The following N4BP1 variants were observed in gnomAD, a reference collection of about 807,000 sequenced individuals.
N4BP1 encodes the protein NEDD4-binding protein 1.
N4BP1 carries 21 observed loss-of-function variants against 70.9 expected under a neutral mutation model. The ratio of observed to expected loss-of-function variants is 0.30; its 90% confidence interval spans 0.21 to 0.43. The LOEUF is 0.43. Ranked by LOEUF, N4BP1 falls within the 20% of genes least tolerant of loss-of-function variation. The pLI is 1.00. For synonymous variants in N4BP1, 387 were observed against 394.6 expected (o/e 0.98, Z 0.23); for missense variants, 936 against 1,069.4 (o/e 0.88, Z 1.74).
intron 1 of N4BP1, among the ~76,000 whole-genome samples, chr16:48,599,050 T>C (rs1964460431): frequency 6.6e-6 from 1 of 152,122 alleles, no homozygotes; most frequent in Non-Finnish European, 1.5e-5. Context: ...AACCGGTTCA[T>C]AAAGTCCTAA....
In N4BP1 at chr16:48,610,089, C is replaced by G. The variant is rs1305258013; in HGVS notation, c.-117G>C. 2 of 430,058 alleles carry G rather than the reference C, an allele frequency of 4.7e-6. No individual in the cohort carries two copies. Among genetic ancestry groups the G allele is most frequent in the African/African-American group, 2.2e-5 (1 of 46,308 alleles). 26.6% of individuals were successfully genotyped at this position (430,058 alleles called of 1,614,324 possible). A position where few individuals can be genotyped will look rare whatever the true frequency, so the allele number is the denominator to read the frequency against. On this transcript the variant is annotated 5_prime_UTR_variant, in exon 1 of 7. Transcript: ENST00000262384. Reference sequence around the variant, plus strand: ...GTCGGCCCTTCCCGGCCGCCTCGCCCCCGCCCGCGCCCCGCCGCCCGCCCT... The same window carrying G: ...GTCGGCCCTTCCCGGCCGCCTCGCCGCCGCCCGCGCCCCGCCGCCCGCCCT...
intron 1 of N4BP1, among the ~76,000 whole-genome samples, chr16:48,563,343 G>A (rs966760294): frequency 4.0e-5 from 6 of 151,426 alleles, no homozygotes; most frequent in African/African-American, 9.7e-5. Context: ...CCAAAGAGCG[G>A]GACCCTATCT....
At chr16:48,609,308 A>C (rs994260154) in intron 1 of N4BP1, among the ~76,000 whole-genome samples, 2 of 152,174 alleles carry the variant, frequency 1.3e-5, no homozygotes, top group African/African-American at 4.8e-5. Flanking sequence ...GATTCTCAAG[A>C]GGAACTGAGA....
chr16:48,555,492 T>C (rs995428935), intron 2 of N4BP1, among the ~76,000 whole-genome samples: 1 of 152,182 alleles, frequency 6.6e-6, no homozygotes, highest in South Asian at 2.1e-4. Flanking sequence ...GGCTATTTCT[T>C]TTTCAGTGAA....
In N4BP1 at chr16:48,541,217, C is replaced by T. The variant is rs372223785; in HGVS notation, c.*1687G>A. ...ACCATGAGCCAGAAGGCCAGAATCA[C>T]TGCAAGACAGCTCCAGCCCGCACAC... is the stretch of plus-strand genomic sequence containing the variant. On this transcript the variant is annotated 3_prime_UTR_variant, in exon 7 of 7. Coordinates refer to ENST00000262384, the MANE Select transcript of N4BP1 (RefSeq NM_153029.4). 1 of 152,330 alleles carries T rather than the reference C, an allele frequency of 6.6e-6. No individual in the cohort carries two copies. The highest frequency in any genetic ancestry group is 1.9e-4 in the East Asian group (1 of 5,200). 9.4% of individuals were successfully genotyped at this position (152,330 alleles called of 1,614,324 possible).
chr16:48,557,765 T>TA (rs1303707676), intron 2 of N4BP1, among the ~76,000 whole-genome samples: 5 of 152,214 alleles, frequency 3.3e-5, no homozygotes, highest in African/African-American at 4.8e-5. Flanking sequence ...CTTTACCTCT[T>TA]AAAAAAAGAA....
At chr16:48,593,412 T>G (rs1476254881) in intron 1 of N4BP1, among the ~76,000 whole-genome samples, 1 of 152,250 alleles carries the variant, frequency 6.6e-6, no homozygotes, top group Non-Finnish European at 1.5e-5. Flanking sequence ...GAATATGAAT[T>G]TCTCACCTAA....
intron 1 of N4BP1, among the ~76,000 whole-genome samples, chr16:48,590,899 T>C (rs1003942489): frequency 2.0e-5 from 3 of 151,754 alleles, no homozygotes; most frequent in African/African-American, 7.3e-5. Flanking sequence ...GAGTCTTAGT[T>C]AGGAAGACTT....
In N4BP1 at chr16:48,553,524, A is replaced by G. The variant is rs1339712947; in HGVS notation, c.2020+15T>C. On this transcript the variant is annotated intron_variant, in intron 3 of 6. Transcript: ENST00000262384. ...AACATTTCACTAGAAATCTGAAAAA[A>G]TCAGTTTGCCTCACCTGTGACATTA... The G allele has an allele frequency of 5.2e-6, 8 of 1,523,918 alleles. No homozygotes were observed. The highest frequency in any genetic ancestry group is 7.0e-6 in the Non-Finnish European group (8 of 1,138,302). The allele number at this position is 1,523,918 out of a possible 1,614,324, so 94.4% of individuals were successfully genotyped here. A position where few individuals can be genotyped will look rare whatever the true frequency, so the allele number is the denominator to read the frequency against.
intron 1 of N4BP1, among the ~76,000 whole-genome samples, chr16:48,572,976 G>A (rs1246961954): frequency 6.6e-6 from 1 of 151,810 alleles, no homozygotes; most frequent in African/African-American, 2.4e-5. Flanking sequence ...GCCGAGCATG[G>A]TGGTGCATGT....
intron 1 of N4BP1, among the ~76,000 whole-genome samples, chr16:48,591,157 A>C (rs1964331584): frequency 1.3e-5 from 2 of 152,198 alleles, no homozygotes; most frequent in Non-Finnish European, 2.9e-5. Context: ...TTCTGGGAAG[A>C]GCAATAGAAC....
rs3055657 is a variant in N4BP1, at chr16:48,602,980, T to TCA, written c.198+6793_198+6794dup. ...CCTGGTGACAGAGCCAAACCCTATC[T>TCA]CACACACACACACGCACGCACACGC... is the stretch of plus-strand genomic sequence containing the variant. On this transcript the variant is annotated intron_variant, in intron 1 of 6. Coordinates refer to ENST00000262384, the MANE Select transcript of N4BP1 (RefSeq NM_153029.4). Among the ~76,000 whole-genome samples, 371 of 151,186 alleles carry TCA rather than the reference T, an allele frequency of 2.5e-3. 1 individual carries two copies. Among genetic ancestry groups the TCA allele is most frequent in the Admixed American group, 4.2e-3 (63 of 15,170 alleles).
Position 48,553,770 on chromosome 16 carries a change from A to G in N4BP1, c.1890-101T>C. ...TAACATACACATACAACAAACAGTA[A>G]GAACAAAGTTTCCTTTAATATTCTT... On this transcript the variant is annotated intron_variant, in intron 2 of 6. Transcript: ENST00000262384. 4 of 1,020,536 alleles carry G rather than the reference A, an allele frequency of 3.9e-6. No individual in the cohort carries two copies. In the East Asian group the frequency reaches 1.2e-4, roughly 29 times the overall value. 63.2% of individuals were successfully genotyped at this position (1,020,536 alleles called of 1,614,324 possible).
chr16:48,600,427 C>T, intron 1 of N4BP1: 2 of 654,878 alleles, frequency 3.1e-6, no homozygotes, highest in Non-Finnish European at 5.7e-6. Context: ...TGGAATAAAA[C>T]TACTGAAGCA....
Position 48,609,836 on chromosome 16 carries a change from G to A in N4BP1, c.137C>T (p.Pro46Leu), listed in dbSNP as rs1269532187. Residue 46 changes from proline to leucine, a missense_variant, in exon 1 of 7, where the codon CCG (proline) becomes CTG (leucine). This residue lies in a region of N4BP1 where 187 missense variants were observed against 217.1 expected (regional missense o/e 0.86). Transcript: ENST00000262384. ...AVLGALGAEE[P>L]LPARIWLQLC... ...CTGCAGCCAGATGCGCGCGGGCAGC[G>A]GCTCCTCAGCCCCTAGCGCGCCGAG... 1 of 1,488,096 alleles carries A rather than the reference G, an allele frequency of 6.7e-7. No homozygotes were observed. The highest frequency in any genetic ancestry group is 8.9e-7 in the Non-Finnish European group (1 of 1,123,956). The allele number at this position is 1,488,096 out of a possible 1,614,324, so 92.2% of individuals were successfully genotyped here. A position where few individuals can be genotyped will look rare whatever the true frequency, so the allele number is the denominator to read the frequency against.
chr16:48,565,028 C>A (rs764716254), intron 1 of N4BP1, among the ~76,000 whole-genome samples: 1 of 152,112 alleles, frequency 6.6e-6, no homozygotes, highest in Non-Finnish European at 1.5e-5. Flanking sequence ...TGAAACCTTC[C>A]TGAACTCACT....
rs1280524473 is a variant in N4BP1, at chr16:48,561,549, T to C, written c.1094A>G (p.Glu365Gly). ...TGGTCCATACACCTTAATGACCTTT[T>C]CAACAATTTCTTGGGAGTAGCCCAT... ...KTMGYSQEIV[E>G]KVIKVYGPST... is the part of the protein sequence containing the mutation. Residue 365 changes from glutamate (E) to glycine (G), a missense_variant, in exon 2 of 7, where the codon GAA (glutamate) becomes GGA (glycine). By Grantham distance (98) the Glu-to-Gly change is moderately conservative. Coordinates refer to ENST00000262384, the MANE Select transcript of N4BP1 (RefSeq NM_153029.4). 3 of 1,613,922 alleles carry C rather than the reference T, an allele frequency of 1.9e-6. No individual in the cohort carries two copies. Among genetic ancestry groups the C allele is most frequent in the African/African-American group, 2.7e-5 (2 of 75,062 alleles).
intron 1 of N4BP1, among the ~76,000 whole-genome samples, chr16:48,601,773 A>T (rs1272378981): frequency 6.6e-6 from 1 of 152,158 alleles, no homozygotes; most frequent in African/African-American, 2.4e-5. Context: ...GCAGGGGTAC[A>T]ATCAGGGCGC....
rs1963655953 is a variant in N4BP1, at chr16:48,550,882, C to T, written c.2117+504G>A. ...GCAGTGAGCTGAGATTGCGCCACTG[C>T]ACTCCAGTCTGCGTTGACAGAGTAA... On this transcript the variant is annotated intron_variant, in intron 4 of 6. Transcript: ENST00000262384. Among the ~76,000 whole-genome samples the T allele has an allele frequency of 4.6e-5, 7 of 151,824 alleles. No homozygotes were observed. In the South Asian group the frequency reaches 1.5e-3, roughly 31 times the overall value.
Sources: gnomAD v4.1 joint callset for allele counts (sites outside exome capture counted in the v4.1 genomes callset) on GRCh38, gnomAD v4.1.1 for gene constraint, gnomAD v4.1.1 regional missense constraint, MANE v1.5 for transcripts, NCBI Gene and HGNC (gene_info 2026-07-23, HGNC 2026-07-21) for gene names.